The following TXNRD1 variants were observed in gnomAD, a reference collection of about 807,000 sequenced individuals.
TXNRD1 encodes thioredoxin reductase 1, cytoplasmic.
In TXNRD1, 57 loss-of-function variants were observed where a neutral mutation model predicts 80.3. The ratio of observed to expected loss-of-function variants is 0.71; its 90% CI spans 0.57 to 0.89. The LOEUF is 0.89. TXNRD1 is among the 40% of genes least tolerant of loss of function. TXNRD1 has a pLI of 0.00. For synonymous variants in TXNRD1, 291 were observed against 285.2 expected, an observed-to-expected ratio of 1.02 and a Z score of -0.20; for missense variants, 730 against 803.0, an observed-to-expected ratio of 0.91 and a Z score of 1.10.
At chr12:104,314,554 A>C (rs1034137946) in intron 6 of TXNRD1, among the ~76,000 whole-genome samples, 1 of 151,920 alleles carries the variant, frequency 6.6e-6, no homozygotes, top group Admixed American at 6.6e-5. Flanking sequence ...TTTCACTCTT[A>C]TGTCATTTTG....
chr12:104,242,355 C>G (rs1210587010), intron 1 of TXNRD1, among the ~76,000 whole-genome samples: 3 of 151,724 alleles, frequency 2.0e-5, no homozygotes, highest in African/African-American at 7.3e-5. Flanking sequence ...CGAGACCAGC[C>G]TGGCCAAGAT....
Position 104,215,869 on chromosome 12 carries a change from A to G in TXNRD1, c.67A>G (p.Asn23Asp). The G allele has an allele frequency of 6.4e-7, 1 of 1,558,774 alleles. No individual in the cohort carries two copies. The highest frequency in any genetic ancestry group is 8.7e-7 in the Non-Finnish European group (1 of 1,152,160). ...AACGGAGCTGCAGACGAAAGGCAAG[A>G]ACGGCGATGGCCGCCGTAGGTCAGG... Reference protein sequence around the residue: ...APTELQTKGKNGDGRRRSAKD... With the variant: ...APTELQTKGKDGDGRRRSAKD... Residue 23 changes from asparagine to aspartate, a missense_variant, in exon 1 of 17, where the codon AAC (asparagine) becomes GAC (aspartate). Transcript: ENST00000525566.
At chr12:104,252,063 CAAAA>C (rs60195108) in intron 2 of TXNRD1, among the ~76,000 whole-genome samples, 2 of 55,078 alleles carry the variant, frequency 3.6e-5, no homozygotes, top group African/African-American at 6.2e-5. Context: ...GACTCCATCT[CAAAA>C]AAAAAAAAAA....
chr12:104,239,406 G>T (rs1298705292), intron 1 of TXNRD1, among the ~76,000 whole-genome samples: 1 of 152,088 alleles, frequency 6.6e-6, no homozygotes, highest in Admixed American at 6.6e-5. Flanking sequence ...TATTGGTCAG[G>T]CTGGTCTCAA....
At position 104,334,287 on chromosome 12, in the gene TXNRD1, TAAC is replaced by T. The variant is rs1423099942; in HGVS notation, c.1707_1709del (p.Asn569del). The T allele has an allele frequency of 1.9e-6, 3 of 1,539,736 alleles. No individual in the cohort carries two copies. The highest frequency in any genetic ancestry group is 1.4e-5 in the African/African-American group (1 of 72,740). On this transcript the variant is annotated inframe_deletion, in exon 15 of 17. Transcript: ENST00000525566. ...TGGAATGGACGATTCCGTCAAGAGA[TAAC>T]AACAAATGTTATGCAAAAATAATCT...
intron 16 of TXNRD1, among the ~76,000 whole-genome samples, chr12:104,344,484 C>T (rs1263380465): frequency 1.3e-5 from 2 of 151,886 alleles, no homozygotes; most frequent in Non-Finnish European, 1.5e-5. Context: ...AATAATTGTA[C>T]ATATTTATGG....
chr12:104,285,906 CTCATG>C (rs1056020044), intron 3 of TXNRD1: 2 of 152,102 alleles, frequency 1.3e-5, no homozygotes, highest in African/African-American at 4.8e-5. Context: ...AGGTGAAACA[CTCATG>C]TCAATAATCA....
intron 1 of TXNRD1, among the ~76,000 whole-genome samples, chr12:104,228,501 C>A (rs1275497050): frequency 6.6e-6 from 1 of 151,604 alleles, no homozygotes; most frequent in Non-Finnish European, 1.5e-5. Context: ...CGTGGTGGCA[C>A]ATGCCTGTAA....
At chr12:104,340,261 CAA>C (rs1215602432) in intron 16 of TXNRD1, among the ~76,000 whole-genome samples, 1 of 151,978 alleles carries the variant, frequency 6.6e-6, no homozygotes, top group Admixed American at 6.6e-5. Context: ...AATTAAGCTT[CAA>C]AAAAATATAA....
intron 2 of TXNRD1, among the ~76,000 whole-genome samples, chr12:104,254,286 A>G (rs186540043): frequency 6.6e-6 from 1 of 152,260 alleles, no homozygotes; most frequent in East Asian, 1.9e-4. Flanking sequence ...AAATAAAAGA[A>G]CTACTTGCAT....
At chr12:104,311,442 T>C in intron 5 of TXNRD1, 30 bp downstream of exon 5, 1 of 1,608,180 alleles carries the variant, frequency 6.2e-7, no homozygotes, top group Non-Finnish European at 8.5e-7. Context: ...CTGTTGTCTG[T>C]TGTCTGGGTG....
At position 104,339,171 on chromosome 12, in the gene TXNRD1, A is replaced by G. The variant is rs772869186; in HGVS notation, c.1779A>G (p.Pro593=). 1 of 1,614,002 alleles carries G rather than the reference A, an allele frequency of 6.2e-7. No individual in the cohort carries two copies. Among genetic ancestry groups the G allele is most frequent in the East Asian group, 2.2e-5 (1 of 44,882 alleles). ...ERVVGFHVLG[P]NAGEVTQGFA... is the part of the protein sequence containing the mutation. ...TTGTGGGCTTTCACGTACTGGGTCCAAATGCTGGAGAAGTTACACAAGGCT... is the reference window on the plus strand; with the variant it reads ...TTGTGGGCTTTCACGTACTGGGTCCGAATGCTGGAGAAGTTACACAAGGCT... Residue 593 remains proline (P), a synonymous_variant, in exon 16 of 17, where the codon CCA becomes CCG. Coordinates refer to ENST00000525566, the MANE Select transcript of TXNRD1 (RefSeq NM_001093771.3).
At chr12:104,244,814 G>A (rs2032941395) in intron 1 of TXNRD1, among the ~76,000 whole-genome samples, 1 of 152,168 alleles carries the variant, frequency 6.6e-6, no homozygotes, top group Admixed American at 6.5e-5. Flanking sequence ...TAAAAAGAAG[G>A]GATTGAAGAC....
intron 16 of TXNRD1, among the ~76,000 whole-genome samples, chr12:104,342,227 G>C (rs1342526669): frequency 6.6e-6 from 1 of 152,080 alleles, no homozygotes. Context: ...TTCTACCTCT[G>C]ATGACATGGT....
Position 104,321,082 on chromosome 12 carries a change from TTC to T in TXNRD1, c.990-8_990-7del. 3.2e-6 allele frequency: 5 copies of T among 1,545,936 alleles called. No homozygotes were observed. Among genetic ancestry groups the T allele is most frequent in the Non-Finnish European group, 2.6e-6 (3 of 1,140,632 alleles). The stretch of plus-strand genomic sequence containing the variant: ...TCTTCTTTCTTCCTTTTTTTTTTTT[TTC>T]CCCCAGTGATGATCTTTTCTCCTTG... On this transcript the variant is annotated splice_region_variant and splice_polypyrimidine_tract_variant and intron_variant, in intron 9 of 16. Transcript: ENST00000525566.
intron 4 of TXNRD1, among the ~76,000 whole-genome samples, chr12:104,292,813 T>A (rs753000343): frequency 2.0e-5 from 3 of 152,206 alleles, no homozygotes; most frequent in Non-Finnish European, 4.4e-5. Flanking sequence ...GATCATTTGA[T>A]GAGATAATTA....
intron 2 of TXNRD1, among the ~76,000 whole-genome samples, chr12:104,252,657 A>AT (rs67054728): frequency 1.3e-4 from 5 of 38,106 alleles, no homozygotes; most frequent in African/African-American, 1.9e-4. Context: ...TTAATTTATT[A>AT]TTTTTTATAT....
At chr12:104,229,050 C>T (rs1273506431) in intron 1 of TXNRD1, among the ~76,000 whole-genome samples, 2 of 151,744 alleles carry the variant, frequency 1.3e-5, no homozygotes, top group African/African-American at 4.8e-5. Flanking sequence ...AAAAGAAACC[C>T]CATACCCATT....
intron 4 of TXNRD1, among the ~76,000 whole-genome samples, chr12:104,296,447 A>C (rs2034438094): frequency 6.6e-6 from 1 of 152,108 alleles, no homozygotes; most frequent in South Asian, 2.1e-4. Flanking sequence ...TCTTGCTCTA[A>C]CCCAGGCTGG....
Sources: gnomAD v4.1 joint callset for allele counts (sites outside exome capture counted in the v4.1 genomes callset) on GRCh38, gnomAD v4.1.1 for gene constraint, MANE v1.5 for transcripts, NCBI Gene and HGNC (gene_info 2026-07-23, HGNC 2026-07-21) for gene names.